The following SPINK5 variants were observed in gnomAD, a reference collection of about 807,000 sequenced individuals.
SPINK5 encodes the protein serine protease inhibitor Kazal-type 5.
A neutral mutation model predicts 151.8 loss-of-function variants in SPINK5; 125 were observed. That is an observed-to-expected ratio of 0.82 (90% CI 0.71 to 0.96). The LOEUF is 0.96. Among genes scored for constraint, SPINK5 ranks in the 40% least tolerant of loss-of-function variants. SPINK5 has a pLI of 0.00. For synonymous variants in SPINK5, 374 were observed against 395.3 expected (o/e 0.95, Z 0.64); for missense variants, 1,194 against 1,291.9 (o/e 0.92, Z 1.16).
chr5:148,100,643 T>C, intron 13 of SPINK5, 62 bp downstream of exon 13: 1 of 1,581,816 alleles, frequency 6.3e-7, no homozygotes, highest in African/African-American at 1.3e-5. Context: ...TTCATTTCCA[T>C]GTTCAATTAT....
intron 4 of SPINK5, among the ~76,000 whole-genome samples, chr5:148,077,075 T>C (rs1752901082): frequency 6.6e-6 from 1 of 151,196 alleles, no homozygotes; most frequent in Admixed American, 6.6e-5. Context: ...TGGCCTAAGA[T>C]GCCTTAAATT....
chr5:148,116,825 T>C (rs961893115), intron 22 of SPINK5, among the ~76,000 whole-genome samples: 3 of 152,184 alleles, frequency 2.0e-5, no homozygotes, highest in Non-Finnish European at 4.4e-5. Context: ...TTAGGTGTCT[T>C]TTCTGTTGAT....
In SPINK5 at chr5:148,125,493, G is replaced by A. The variant is rs745972865; in HGVS notation, c.2740-230G>A. The A allele has an allele frequency of 3.9e-5, 62 of 1,590,668 alleles. No homozygotes were observed. The East Asian group carries it at 1.3e-3, about 32-fold the overall frequency. On this transcript the variant is annotated intron_variant, in intron 28 of 32. Transcript: ENST00000256084. ...AGAAAAAAACAGGAAGGTCTATCAA[G>A]TGTTGTTTTATGTTTCCCTACATTT...
chr5:148,118,729 A>G lies in SPINK5; in HGVS notation c.2240+165A>G, dbSNP rs3764928. Among the ~76,000 whole-genome samples the G allele has an allele frequency of 0.54, 82,463 of 152,024 alleles. 23,529 individuals carry two copies. Among genetic ancestry groups the G allele is most frequent in the Admixed American group, 0.64 (9,789 of 15,282 alleles). ...CGTTCTCTAAGGAACAATGAGCCTT[A>G]GCAAGGGCAGCTAACCAAGTGGCTG... On this transcript the variant is annotated intron_variant, in intron 23 of 32. Coordinates refer to ENST00000256084, the MANE Select transcript of SPINK5 (RefSeq NM_006846.4).
chr5:148,095,808 C>T lies in SPINK5; in HGVS notation c.795-10C>T, dbSNP rs377474032. The T allele has an allele frequency of 4.3e-6, 7 of 1,609,232 alleles. No homozygotes were observed. In the African/African-American group the frequency reaches 6.7e-5, roughly 15 times the overall value. On this transcript the variant is annotated splice_polypyrimidine_tract_variant and intron_variant, in intron 9 of 32. Transcript: ENST00000256084. Reference sequence around the variant, plus strand: ...GAAGCATCTCTACTCATTTATTTTACTTTTTCCAGCAAGCAGCGTTTTTCA... The same window carrying T: ...GAAGCATCTCTACTCATTTATTTTATTTTTTCCAGCAAGCAGCGTTTTTCA...
At chr5:148,114,234 C>G in intron 20 of SPINK5, 128 bp from the exon 21 acceptor site, 1 of 1,064,650 alleles carries the variant, frequency 9.4e-7, no homozygotes, top group East Asian at 3.3e-5. Flanking sequence ...AACACTATAA[C>G]TGCCAGAAAA....
chr5:148,112,862 T>G lies in SPINK5; in HGVS notation c.1821-6T>G. The G allele has an allele frequency of 1.9e-6, 3 of 1,613,820 alleles. No individual in the cohort carries two copies. The highest frequency in any genetic ancestry group is 1.7e-6 in the Non-Finnish European group (2 of 1,179,864). ...AATGATTGTTTTGTCCTCCCTTTTC[T>G]TATAGCCAGCAAGAAGCAAAAGAAA... On this transcript the variant is annotated splice_polypyrimidine_tract_variant and splice_region_variant and intron_variant, in intron 19 of 32. Coordinates refer to ENST00000256084, the MANE Select transcript of SPINK5 (RefSeq NM_006846.4).
At chr5:148,118,881 A>G (rs1754173536) in intron 23 of SPINK5, 105 bp from the exon 24 acceptor site, 2 of 1,166,556 alleles carry the variant, frequency 1.7e-6, no homozygotes, top group South Asian at 2.5e-5. Context: ...TGACCAGCAC[A>G]GTTGAAGAAA....
chr5:148,095,518 C>G (rs528570969), intron 9 of SPINK5, among the ~76,000 whole-genome samples: 4 of 152,054 alleles, frequency 2.6e-5, no homozygotes, highest in Admixed American at 2.6e-4. Context: ...TACAAAAACA[C>G]AGCAATAGAC....
In SPINK5 at chr5:148,101,855, G is replaced by A; in HGVS notation, c.1377G>A (p.Gln459=). The A allele has an allele frequency of 1.2e-6, 2 of 1,613,786 alleles. No individual in the cohort carries two copies. Among genetic ancestry groups the A allele is most frequent in the Non-Finnish European group, 1.7e-6 (2 of 1,179,804 alleles). ...LFCTRENDPI[Q]GPDGKMHGNT... Reference sequence around the variant, plus strand: ...GCACCAGAGAGAATGACCCCATCCAGGGCCCAGATGGAAAAATGCATGGCA... The same window carrying A: ...GCACCAGAGAGAATGACCCCATCCAAGGCCCAGATGGAAAAATGCATGGCA... The change falls in exon 15 of 33, where the codon CAG becomes CAA. Residue 459 remains glutamine (Q), a synonymous_variant. Coordinates refer to ENST00000256084, the MANE Select transcript of SPINK5 (RefSeq NM_006846.4).
At chr5:148,098,308 A>G (rs1753527837) in intron 11 of SPINK5, among the ~76,000 whole-genome samples, 1 of 152,008 alleles carries the variant, frequency 6.6e-6, no homozygotes, top group South Asian at 2.1e-4. Context: ...TAGGTATCTC[A>G]TCTTCCATGG....
intron 26 of SPINK5, among the ~76,000 whole-genome samples, 153 bp downstream of exon 26, chr5:148,120,544 A>G (rs1316399946): frequency 6.6e-6 from 1 of 152,240 alleles, no homozygotes; most frequent in Non-Finnish European, 1.5e-5. Context: ...GAAAATAAAT[A>G]GCATGCTCTT....
chr5:148,112,860 T>C lies in SPINK5; in HGVS notation c.1821-8T>C. ...GGAATGATTGTTTTGTCCTCCCTTT[T>C]CTTATAGCCAGCAAGAAGCAAAAGA... On this transcript the variant is annotated splice_polypyrimidine_tract_variant and splice_region_variant and intron_variant, in intron 19 of 32. Transcript: ENST00000256084. 1 of 1,613,812 alleles carries C rather than the reference T, an allele frequency of 6.2e-7. No individual in the cohort carries two copies. Among genetic ancestry groups the C allele is most frequent in the Non-Finnish European group, 8.5e-7 (1 of 1,179,860 alleles).
At position 148,077,190 on chromosome 5, in the gene SPINK5, T is replaced by TA. The variant is rs11322859; in HGVS notation, c.282+4982dup. Among the ~76,000 whole-genome samples the TA allele has an allele frequency of 8.1e-4, 116 of 142,370 alleles. 1 individual carries two copies. The highest frequency in any genetic ancestry group is 3.6e-3 in the Middle Eastern group (1 of 274). 93.4% of individuals were successfully genotyped at this position (142,370 alleles called of 152,430 possible). A position where few individuals can be genotyped will look rare whatever the true frequency, so the allele number is the denominator to read the frequency against. On this transcript the variant is annotated intron_variant, in intron 4 of 32. Coordinates refer to ENST00000256084, the MANE Select transcript of SPINK5 (RefSeq NM_006846.4). ...GCTCATCATGATTAAAATGTTGAAA[T>TA]AAAAAAAAAAAACAAAGAGAAAATT...
At chr5:148,091,460 C>A (rs1370700384) in intron 8 of SPINK5, among the ~76,000 whole-genome samples, 6 of 151,858 alleles carry the variant, frequency 4.0e-5, no homozygotes, top group Admixed American at 3.9e-4. Flanking sequence ...ACCTGTGTTT[C>A]TCCAGTCCTC....
Position 148,118,482 on chromosome 5 carries a change from A to G in SPINK5, c.2158A>G (p.Ser720Gly). The change falls in exon 23 of 33, where the codon AGC becomes GGC. Residue 720 changes from serine (S) to glycine (G), a missense_variant. By Grantham distance (56) the Ser-to-Gly change is moderately conservative. Transcript: ENST00000256084. ...YREQMKNGRL[S>G]CTRESDPVRD... is the part of the protein sequence containing the mutation. ...GGAACAAATGAAAAATGGAAGACTC[A>G]GCTGTACTCGGGAGAGTGATCCTGT... The G allele has an allele frequency of 1.2e-6, 2 of 1,614,178 alleles. No individual in the cohort carries two copies. Among genetic ancestry groups the G allele is most frequent in the Non-Finnish European group, 1.7e-6 (2 of 1,180,014 alleles).
chr5:148,126,571 T>TTTTATTTATTTATTTATTTA (rs78833989), intron 29 of SPINK5, among the ~76,000 whole-genome samples: 57 of 149,838 alleles, frequency 3.8e-4, no homozygotes, highest in African/African-American at 1.4e-3. Context: ...TGTGATTCTG[T>TTTTATTTATTTATTTATTTA]TTTATTTATT....
At chr5:148,129,359 C>T (rs527504686) in intron 30 of SPINK5, among the ~76,000 whole-genome samples, 1 of 152,170 alleles carries the variant, frequency 6.6e-6, no homozygotes, top group African/African-American at 2.4e-5. Flanking sequence ...AAGGGCTGGA[C>T]AGCTAGTTAG....
At chr5:148,100,423 T>C in intron 12 of SPINK5, 31 bp from the exon 13 acceptor site, 2 of 1,602,376 alleles carry the variant, frequency 1.2e-6, no homozygotes, top group African/African-American at 1.3e-5. Context: ...AAATGAAATA[T>C]ATGGCCAACT....
Sources: gnomAD v4.1 joint callset for allele counts (sites outside exome capture counted in the v4.1 genomes callset) on GRCh38, gnomAD v4.1.1 for gene constraint, MANE v1.5 for transcripts, NCBI Gene and HGNC (gene_info 2026-07-23, HGNC 2026-07-21) for gene names.